Variants in PTGER3 observed in about 807,000 individuals in gnomAD.
The protein encoded by PTGER3 is prostaglandin E2 receptor EP3 subtype.
PTGER3 carries 22 observed loss-of-function variants against 34.7 expected under a neutral mutation model. The ratio of observed to expected loss-of-function variants is 0.63; its 90% CI spans 0.45 to 0.91. The LOEUF is 0.91. Among genes scored for constraint, PTGER3 ranks in the 40% least tolerant of loss-of-function variants. The pLI is 0.00. For missense variants in PTGER3, 468 were observed against 519.4 expected (o/e 0.90, Z 0.96); for synonymous variants, 241 against 230.1 (o/e 1.05, Z -0.43).
chr1:71,016,711 G>A (rs1288046501), intron 1 of PTGER3, among the ~76,000 whole-genome samples: 1 of 151,604 alleles, frequency 6.6e-6, no homozygotes, highest in African/African-American at 2.4e-5. Flanking sequence ...GCTGAAGCAG[G>A]AGAATCACTT....
At chr1:70,894,170 G>A (rs1369318859) in intron 4 of PTGER3, among the ~76,000 whole-genome samples, 4 of 151,786 alleles carry the variant, frequency 2.6e-5, no homozygotes. Context: ...TTAGCCGGGC[G>A]TGGTGGTGGG....
At chr1:70,903,251 C>T (rs1375689755) in intron 4 of PTGER3, among the ~76,000 whole-genome samples, 2 of 152,086 alleles carry the variant, frequency 1.3e-5, no homozygotes, top group African/African-American at 4.8e-5. Context: ...CCCACTGTCA[C>T]CTTAATTTTA....
chr1:70,899,641 C>T (rs1646794932), intron 4 of PTGER3, among the ~76,000 whole-genome samples: 1 of 151,932 alleles, frequency 6.6e-6, no homozygotes. Flanking sequence ...AGGAGCTTTT[C>T]AAGAGTTTTA....
At chr1:71,020,458 C>T (rs1261716544) in intron 1 of PTGER3, among the ~76,000 whole-genome samples, 2 of 152,082 alleles carry the variant, frequency 1.3e-5, no homozygotes, top group African/African-American at 2.4e-5. Context: ...ACTGGATGGC[C>T]TCTGCATACA....
chr1:70,923,271 A>G (rs553813400), intron 4 of PTGER3, among the ~76,000 whole-genome samples: 4 of 152,116 alleles, frequency 2.6e-5, no homozygotes, highest in Non-Finnish European at 5.9e-5. Flanking sequence ...AATTATGGGA[A>G]ACTCCTCTAA....
intron 4 of PTGER3, among the ~76,000 whole-genome samples, chr1:70,940,166 G>GT (rs1363772018): frequency 6.6e-6 from 1 of 152,168 alleles, no homozygotes; most frequent in Non-Finnish European, 1.5e-5. Context: ...AATGCCACCA[G>GT]TTTCTTTGCT....
intron 1 of PTGER3, among the ~76,000 whole-genome samples, chr1:71,039,009 A>G (rs1163602150): frequency 1.3e-5 from 2 of 152,248 alleles, no homozygotes; most frequent in African/African-American, 4.8e-5. Flanking sequence ...ATAGGATAAC[A>G]GGAAGACGAC....
At chr1:70,863,854 T>G (rs1316281458) in intron 4 of PTGER3, among the ~76,000 whole-genome samples, 1 of 152,102 alleles carries the variant, frequency 6.6e-6, no homozygotes, top group African/African-American at 2.4e-5. Flanking sequence ...GTAGATGATT[T>G]GTGGAAGATA....
chr1:71,027,910 A>G (rs1016828982), intron 1 of PTGER3, among the ~76,000 whole-genome samples: 3 of 152,220 alleles, frequency 2.0e-5, no homozygotes, highest in Non-Finnish European at 2.9e-5. Context: ...ATTTGGATTA[A>G]TCACATTTCA....
chr1:70,914,734 T>G (rs1037770037), intron 4 of PTGER3, among the ~76,000 whole-genome samples: 2 of 151,902 alleles, frequency 1.3e-5, no homozygotes, highest in African/African-American at 4.8e-5. Context: ...GTTAATATAT[T>G]GAATAATAGC....
intron 1 of PTGER3, among the ~76,000 whole-genome samples, chr1:71,024,682 G>C (rs530506667): frequency 7.5e-6 from 1 of 133,050 alleles, no homozygotes; most frequent in Non-Finnish European, 1.5e-5. Context: ...AGCCTCTCGA[G>C]TAGCTGGGAT....
chr1:71,033,008 T>C (rs1044129770), intron 1 of PTGER3, among the ~76,000 whole-genome samples: 1 of 152,210 alleles, frequency 6.6e-6, no homozygotes, highest in African/African-American at 2.4e-5. Flanking sequence ...TGGTAACTTC[T>C]GTGTCTCTGT....
chr1:70,918,716 G>A (rs1251704030), intron 4 of PTGER3, among the ~76,000 whole-genome samples: 2 of 151,996 alleles, frequency 1.3e-5, no homozygotes, highest in Non-Finnish European at 2.9e-5. Context: ...TGATCCTCTA[G>A]CTCCTGACAG....
At chr1:70,862,308 T>G in intron 4 of PTGER3, 1 of 1,351,514 alleles carries the variant, frequency 7.4e-7, no homozygotes, top group Non-Finnish European at 9.9e-7. Context: ...GACTTACATC[T>G]GCTGTCAAAA....
chr1:70,921,868 A>T (rs1647564407), intron 4 of PTGER3, among the ~76,000 whole-genome samples: 1 of 152,176 alleles, frequency 6.6e-6, no homozygotes, highest in South Asian at 2.1e-4. Flanking sequence ...ATATTTATAT[A>T]TGAAAGAGCT....
chr1:70,910,465 G>A (rs573964551), intron 4 of PTGER3, among the ~76,000 whole-genome samples: 1 of 152,200 alleles, frequency 6.6e-6, no homozygotes, highest in Admixed American at 6.5e-5. Flanking sequence ...CTGGAGTGCA[G>A]TGGCATGATG....
chr1:71,031,768 C>T (rs1304532413), intron 1 of PTGER3, among the ~76,000 whole-genome samples: 1 of 152,198 alleles, frequency 6.6e-6, no homozygotes, highest in African/African-American at 2.4e-5. Flanking sequence ...TACATATGCT[C>T]TTTGCACTTG....
At chr1:70,915,408 A>C (rs1647153210) in intron 4 of PTGER3, among the ~76,000 whole-genome samples, 1 of 151,960 alleles carries the variant, frequency 6.6e-6, no homozygotes, top group African/African-American at 2.4e-5. Flanking sequence ...GACCTTAAAA[A>C]AGATCATGAA....
At chr1:70,972,424 T>C (rs1010863650) in intron 3 of PTGER3, among the ~76,000 whole-genome samples, 3 of 152,304 alleles carry the variant, frequency 2.0e-5, no homozygotes, top group African/African-American at 7.2e-5. Context: ...ACACGGTTGA[T>C]GAAATTTTAA....
Sources: gnomAD v4.1 joint callset for allele counts (sites outside exome capture counted in the v4.1 genomes callset) on GRCh38, gnomAD v4.1.1 for gene constraint, MANE v1.5 for transcripts, NCBI Gene and HGNC (gene_info 2026-07-23, HGNC 2026-07-21) for gene names.